ARHGAP28: variants seen among roughly 807,000 people sequenced by gnomAD.
ARHGAP28 encodes the protein rho GTPase-activating protein 28.
A neutral mutation model predicts 90.7 loss-of-function variants in ARHGAP28; 56 were observed. The ratio of observed to expected loss-of-function variants is 0.62; its 90% CI spans 0.50 to 0.77. The LOEUF is 0.77. Among genes scored for constraint, ARHGAP28 ranks in the 30% least tolerant of loss-of-function variants. The pLI, the probability that ARHGAP28 is intolerant of heterozygous loss-of-function variation, is 0.00. For missense variants in ARHGAP28, 869 were observed against 900.9 expected (o/e 0.96, Z 0.45); for synonymous variants, 308 against 323.3 (o/e 0.95, Z 0.51).
intron 3 of ARHGAP28, 59 bp downstream of exon 3, chr18:6,837,473 G>T: frequency 9.0e-7 from 1 of 1,113,120 alleles, no homozygotes. Context: ...GATGGGGTAG[G>T]GTGGGGCTGG....
chr18:6,835,231 G>A (rs1361524678), intron 2 of ARHGAP28, among the ~76,000 whole-genome samples: 3 of 152,074 alleles, frequency 2.0e-5, no homozygotes, highest in Non-Finnish European at 4.4e-5. Context: ...CCTTACATAG[G>A]TGGAGGGGAA....
At chr18:6,801,183 T>C (rs1201603050) in intron 1 of ARHGAP28, among the ~76,000 whole-genome samples, 1 of 152,226 alleles carries the variant, frequency 6.6e-6, no homozygotes, top group Non-Finnish European at 1.5e-5. Context: ...GTATATGGTG[T>C]GTGGTATGAA....
At chr18:6,842,699 G>A (rs988952863) in intron 3 of ARHGAP28, among the ~76,000 whole-genome samples, 2 of 152,132 alleles carry the variant, frequency 1.3e-5, no homozygotes, top group Non-Finnish European at 2.9e-5. Flanking sequence ...GGTAATGGGA[G>A]TTGTATGGTC....
chr18:6,910,937 C>T (rs550846966), intron 17 of ARHGAP28, among the ~76,000 whole-genome samples: 20 of 151,974 alleles, frequency 1.3e-4, no homozygotes, highest in Middle Eastern at 6.8e-3. Flanking sequence ...CTCCGCCTCC[C>T]GGGTTCACGC....
At chr18:6,736,763 A>AAC (rs2055932339) in intron 1 of ARHGAP28, among the ~76,000 whole-genome samples, 1 of 151,604 alleles carries the variant, frequency 6.6e-6, no homozygotes, top group Non-Finnish European at 1.5e-5. Context: ...AAAAAACAAA[A>AAC]AACAGAAAGT....
chr18:6,772,461 T>A (rs2056250741), intron 1 of ARHGAP28, among the ~76,000 whole-genome samples: 1 of 152,230 alleles, frequency 6.6e-6, no homozygotes, highest in Non-Finnish European at 1.5e-5. Context: ...AAAAGTGACA[T>A]GTGTTCTGTA....
At chr18:6,827,349 G>T (rs1310198291) in intron 2 of ARHGAP28, among the ~76,000 whole-genome samples, 6 of 148,744 alleles carry the variant, frequency 4.0e-5, no homozygotes, top group Non-Finnish European at 9.0e-5. Flanking sequence ...GGACGGGGCG[G>T]CTGGCTGGGC....
intron 1 of ARHGAP28, among the ~76,000 whole-genome samples, chr18:6,780,718 G>A (rs1308827932): frequency 6.6e-6 from 1 of 151,902 alleles, no homozygotes; most frequent in Non-Finnish European, 1.5e-5. Flanking sequence ...GCAAAACCCC[G>A]TCTCTACTAA....
chr18:6,899,847 T>A (rs2057328927), intron 16 of ARHGAP28, among the ~76,000 whole-genome samples: 1 of 152,056 alleles, frequency 6.6e-6, no homozygotes, highest in Non-Finnish European at 1.5e-5. Context: ...CCTGGTGCCC[T>A]TACTAGTACC....
chr18:6,827,369 A>ACCC, intron 2 of ARHGAP28, among the ~76,000 whole-genome samples: 1 of 124,838 alleles, frequency 8.0e-6, no homozygotes, highest in Non-Finnish European at 1.7e-5. Context: ...CGGAGGGTTG[A>ACCC]CCCCCCCACC....
intron 1 of ARHGAP28, among the ~76,000 whole-genome samples, chr18:6,779,485 GCTGAGCATGAACA>G (rs1567944656): frequency 6.6e-6 from 1 of 152,126 alleles, no homozygotes; most frequent in African/African-American, 2.4e-5. Flanking sequence ...GTTTTCACAA[GCTGAGCATGAACA>G]CTGTGTTTAT....
intron 1 of ARHGAP28, among the ~76,000 whole-genome samples, chr18:6,763,657 G>A (rs1195156052): frequency 6.6e-6 from 1 of 152,100 alleles, no homozygotes; most frequent in Non-Finnish European, 1.5e-5. Flanking sequence ...TTTTTTCACT[G>A]ACCTATCAGC....
chr18:6,802,239 A>G (rs1440887057), intron 1 of ARHGAP28, among the ~76,000 whole-genome samples: 2 of 151,052 alleles, frequency 1.3e-5, no homozygotes, highest in African/African-American at 4.9e-5. Context: ...AATAAACATG[A>G]GAGTGCAAAT....
In ARHGAP28 at chr18:6,876,173, A is replaced by G. The variant is rs757813579; in HGVS notation, c.1255A>G (p.Ile419Val). ...VEESGLESEG[I>V]FRLSGCTAKV... is the part of the protein sequence containing the mutation. Reference sequence around the variant, plus strand: ...GGAATCAGGTCTGGAATCTGAAGGAATTTTTCGACTTTCAGGATGTACTGC... The same window carrying G: ...GGAATCAGGTCTGGAATCTGAAGGAGTTTTTCGACTTTCAGGATGTACTGC... Residue 419 changes from isoleucine to valine, a missense_variant, in exon 10 of 18, where the codon ATT becomes GTT. Physicochemically the swap from Ile to Val is conservative, Grantham distance 29. Transcript: ENST00000383472. 3 of 1,613,872 alleles carry G rather than the reference A, an allele frequency of 1.9e-6. No homozygotes were observed. Among genetic ancestry groups the G allele is most frequent in the Non-Finnish European group, 2.5e-6 (3 of 1,179,962 alleles).
intron 7 of ARHGAP28, among the ~76,000 whole-genome samples, chr18:6,872,477 A>G (rs927036562): frequency 6.6e-6 from 1 of 152,224 alleles, no homozygotes; most frequent in African/African-American, 2.4e-5. Flanking sequence ...GACTACCCCA[A>G]GGAAGCTCCA....
At chr18:6,881,809 A>G (rs2057180289) in intron 10 of ARHGAP28, among the ~76,000 whole-genome samples, 1 of 152,248 alleles carries the variant, frequency 6.6e-6, no homozygotes. Context: ...AGAATCTAAC[A>G]GTGTATTTAT....
intron 1 of ARHGAP28, among the ~76,000 whole-genome samples, chr18:6,748,817 AC>A (rs1268743536): frequency 2.0e-5 from 3 of 152,024 alleles, no homozygotes; most frequent in African/African-American, 7.2e-5. Flanking sequence ...CCTTTTTTAA[AC>A]CCTCACATCC....
intron 1 of ARHGAP28, among the ~76,000 whole-genome samples, chr18:6,801,191 G>A (rs2056479123): frequency 6.6e-6 from 1 of 152,196 alleles, no homozygotes; most frequent in African/African-American, 2.4e-5. Context: ...TGTGTGGTAT[G>A]AAGTATGGAT....
At position 6,890,004 on chromosome 18, in the gene ARHGAP28, T is replaced by G; in HGVS notation, c.1653T>G (p.Ser551=). The G allele has an allele frequency of 6.2e-7, 1 of 1,614,172 alleles. No homozygotes were observed. Among genetic ancestry groups the G allele is most frequent in the Non-Finnish European group, 8.5e-7 (1 of 1,180,012 alleles). The change falls in exon 13 of 18, where the codon TCT becomes TCG. Residue 551 remains serine, a synonymous_variant. Transcript: ENST00000383472. ...TTTTCTTCAGTAGAAGCAAACACTC[T>G]GATTATGAAGAATTACTGTTAGCAA... ...PNLFFSRSKH[S]DYEELLLANT... is the part of the protein sequence containing the mutation.
Sources: gnomAD v4.1 joint callset for allele counts (sites outside exome capture counted in the v4.1 genomes callset) on GRCh38, gnomAD v4.1.1 for gene constraint, MANE v1.5 for transcripts, NCBI Gene and HGNC (gene_info 2026-07-23, HGNC 2026-07-21) for gene names.